NPIPA9: variants seen among roughly 807,000 people sequenced by gnomAD.
NPIPA9 encodes nuclear pore complex-interacting protein family member A9.
chr16:18,375,203 G>A lies in NPIPA9; in HGVS notation c.-307-134C>T, dbSNP rs1430425475. On this transcript the variant is annotated intron_variant, in intron 1 of 9. Coordinates refer to ENST00000427999, the Ensembl canonical transcript of NPIPA9. ...AATGTCCTAGAATGCTAGATATATG[G>A]GACATCTGCACCGTCCGTGATGGCA... The A allele has an allele frequency of 1.3e-5, 7 of 524,520 alleles. 1 individual carries two copies. The highest frequency in any genetic ancestry group is 1.3e-4 in the Admixed American group (4 of 30,844). The allele number at this position is 524,520 out of a possible 1,614,324, so 32.5% of individuals were successfully genotyped here.
intron 4 of NPIPA9, among the ~76,000 whole-genome samples, chr16:18,365,182 G>A (rs1162455811): frequency 1.2e-5 from 1 of 83,492 alleles, no homozygotes; most frequent in South Asian, 3.9e-4. Context: ...GCTGAGGCAG[G>A]AGAATCACTT....
At chr16:18,370,285 G>T (rs1209472398) in intron 3 of NPIPA9, among the ~76,000 whole-genome samples, 1 of 125,558 alleles carries the variant, frequency 8.0e-6, no homozygotes, top group Non-Finnish European at 1.7e-5. Flanking sequence ...GCGAGACTCT[G>T]TCTCAAAAAA....
Position 18,374,496 on chromosome 16 carries a change from G to A in NPIPA9, c.-70+336C>T, listed in dbSNP as rs1596824153. ...GATTTCGGTTGTGTTGGTTGTAAAA[G>A]GAGAGACCCAGTAAGTGGGGGTCAT... On this transcript the variant is annotated intron_variant, in intron 2 of 9. Transcript: ENST00000427999. The A allele has an allele frequency of 6.6e-6, 5 of 752,386 alleles. No individual in the cohort carries two copies. In the East Asian group the frequency reaches 1.3e-4, roughly 20 times the overall value. 46.6% of individuals were successfully genotyped at this position (752,386 alleles called of 1,614,324 possible). A position where few individuals can be genotyped will look rare whatever the true frequency, so the allele number is the denominator to read the frequency against.
At chr16:18,375,254 C>A (rs1182788914) in intron 1 of NPIPA9, among the ~76,000 whole-genome samples, 185 bp from the exon 2 acceptor site, 3 of 143,404 alleles carry the variant, frequency 2.1e-5, no homozygotes, top group African/African-American at 7.8e-5. Context: ...TGCCACTGAA[C>A]ACTTGACAGC....
Position 18,374,597 on chromosome 16 carries a change from A to G in NPIPA9, c.-70+235T>C. The stretch of plus-strand genomic sequence containing the variant: ...CTGGGCGTTCCCTCGCTGGAGGGCC[A>G]GCACACCAGACTGCAGGTGGCGCGG... On this transcript the variant is annotated intron_variant, in intron 2 of 9. Transcript: ENST00000427999. The G allele has an allele frequency of 3.3e-6, 2 of 610,340 alleles. 1 individual carries two copies. The highest frequency in any genetic ancestry group is 5.1e-6 in the Non-Finnish European group (2 of 394,268). The allele number at this position is 610,340 out of a possible 1,614,324, so 37.8% of individuals were successfully genotyped here. A position where few individuals can be genotyped will look rare whatever the true frequency, so the allele number is the denominator to read the frequency against.
chr16:18,370,323 A>AG (rs1191289030), intron 3 of NPIPA9, among the ~76,000 whole-genome samples: 2 of 131,792 alleles, frequency 1.5e-5, no homozygotes, highest in African/African-American at 5.5e-5. Context: ...ACCAAGGTGG[A>AG]GATCATGAAA....
chr16:18,369,897 G>C (rs1233527068), intron 3 of NPIPA9, among the ~76,000 whole-genome samples: 1 of 143,282 alleles, frequency 7.0e-6, no homozygotes, highest in East Asian at 2.0e-4. Context: ...TGGATTATAT[G>C]AATCTTTGTC....
At chr16:18,364,919 T>C (rs1355509733) in intron 4 of NPIPA9, among the ~76,000 whole-genome samples, 228 of 116,222 alleles carry the variant, frequency 2.0e-3, no homozygotes, top group Middle Eastern at 4.1e-3. Context: ...CCAGCCTGAG[T>C]GACAGAATGA....
chr16:18,364,937 T>TCA (rs1161767470), intron 4 of NPIPA9, among the ~76,000 whole-genome samples: 13 of 120,196 alleles, frequency 1.1e-4, no homozygotes, highest in Admixed American at 1.0e-3. Flanking sequence ...TGAGACTCTG[T>TCA]CACACACACA....
chr16:18,365,178 G>A (rs2141681758), intron 4 of NPIPA9, among the ~76,000 whole-genome samples: 1 of 85,316 alleles, frequency 1.2e-5, no homozygotes, highest in East Asian at 2.7e-4. Flanking sequence ...GGAGGCTGAG[G>A]CAGGAGAATC....
At position 18,374,463 on chromosome 16, in the gene NPIPA9, A is replaced by C. The variant is rs547599680; in HGVS notation, c.-70+369T>G. 1,050 of 440,618 alleles carry C rather than the reference A, an allele frequency of 2.4e-3. 42 individuals are homozygous for C. Among genetic ancestry groups the C allele is most frequent in the African/African-American group, 0.017 (618 of 36,714 alleles). The allele number at this position is 440,618 out of a possible 1,614,324, so 27.3% of individuals were successfully genotyped here. A position where few individuals can be genotyped will look rare whatever the true frequency, so the allele number is the denominator to read the frequency against. The stretch of plus-strand genomic sequence containing the variant: ...CAAAAAAAAAAAAAAAAAAAAGAAG[A>C]AGCCCTAGATTTCGGTTGTGTTGGT... On this transcript the variant is annotated intron_variant, in intron 2 of 9. Transcript: ENST00000427999.
intron 1 of NPIPA9, 72 bp from the exon 2 acceptor site, chr16:18,375,141 C>T (rs1234739884): frequency 1.7e-6 from 1 of 573,934 alleles, no homozygotes; most frequent in Non-Finnish European, 3.0e-6. Context: ...AAGCCACCTC[C>T]TCAGCAGACA....
intron 6 of NPIPA9, among the ~76,000 whole-genome samples, chr16:18,363,427 G>A (rs1261710086): frequency 1.4e-3 from 64 of 46,012 alleles, no homozygotes; most frequent in Non-Finnish European, 1.8e-3. Context: ...CCTGGGAGGC[G>A]GAGGTTGCAG....
rs1443418211 is a variant in NPIPA9, at chr16:18,364,534, C to T, written c.292+1G>A. ...CTATGGGGACTCCAACAGAGCCATA[C>T]CTTCCTGTCTACGGCAGTTGGACCT... On this transcript the variant is annotated splice_donor_variant, in intron 5 of 9. Transcript: ENST00000427999. LOFTEE classifies it high-confidence loss of function. 2.2e-5 allele frequency: 2 copies of T among 92,974 alleles called. No individual in the cohort carries two copies. The highest frequency in any genetic ancestry group is 1.9e-5 in the Non-Finnish European group (1 of 52,626). The allele number at this position is 92,974 out of a possible 1,614,324, so 5.8% of individuals were successfully genotyped here.
chr16:18,371,347 G>A (rs1900542916), intron 3 of NPIPA9: 1 of 151,868 alleles, frequency 6.6e-6, no homozygotes. Context: ...AGCTGCTCAG[G>A]AGGCTGAGGC....
At chr16:18,370,093 C>A (rs1900521134) in intron 3 of NPIPA9, among the ~76,000 whole-genome samples, 1 of 131,060 alleles carries the variant, frequency 7.6e-6, no homozygotes, top group Non-Finnish European at 1.6e-5. Flanking sequence ...AGATTGAGAC[C>A]ATCCTAGCTA....
At chr16:18,371,435 G>A (rs1248389070) in intron 3 of NPIPA9, 3 of 165,994 alleles carry the variant, frequency 1.8e-5, no homozygotes, top group Admixed American at 1.2e-4. Flanking sequence ...CTGGGCGACA[G>A]AATGAGACTC....
At chr16:18,364,974 A>AAC (rs1900489619) in intron 4 of NPIPA9, among the ~76,000 whole-genome samples, 4 of 136,524 alleles carry the variant, frequency 2.9e-5, no homozygotes, top group South Asian at 2.3e-4. Context: ...CACACAACAC[A>AAC]ACACACAAGA....
intron 3 of NPIPA9, among the ~76,000 whole-genome samples, chr16:18,371,477 A>AG (rs1555463551): frequency 1.6e-5 from 2 of 123,706 alleles, no homozygotes; most frequent in African/African-American, 3.0e-5. Flanking sequence ...AAAAAAAAAA[A>AG]GTCATCAAAC....
Sources: gnomAD v4.1 joint callset for allele counts (sites outside exome capture counted in the v4.1 genomes callset) on GRCh38, gnomAD v4.1.1 for gene constraint, MANE v1.5 for transcripts, NCBI Gene and HGNC (gene_info 2026-07-23, HGNC 2026-07-21) for gene names.